Variants in EPHA6 observed in about 807,000 individuals in gnomAD.
EPHA6 encodes ephrin type-A receptor 6.
A neutral mutation model predicts 112.0 loss-of-function variants in EPHA6; 50 were observed. The observed-to-expected ratio is 0.45, with a 90% CI of 0.36 to 0.56. The LOEUF (loss-of-function observed/expected upper bound fraction) is 0.56, where lower values mean the gene tolerates loss of function less well. EPHA6 is among the 20% of genes least tolerant of loss of function. The probability of loss-of-function intolerance (pLI) is 0.00; values close to 1 mark genes in which losing one functional copy is unlikely to be tolerated. For synonymous variants in EPHA6, 529 were observed against 490.7 expected, an observed-to-expected ratio of 1.08 and a Z score of -1.03; for missense variants, 1,280 against 1,417.4, an observed-to-expected ratio of 0.90 and a Z score of 1.56.
At chr3:97,398,200 A>T (rs953832149) in intron 5 of EPHA6, among the ~76,000 whole-genome samples, 3 of 151,498 alleles carry the variant, frequency 2.0e-5, no homozygotes, top group Non-Finnish European at 4.4e-5. Flanking sequence ...TATGAAGCAA[A>T]ATGTAAAACA....
At chr3:97,358,448 G>A (rs936637260) in intron 5 of EPHA6, among the ~76,000 whole-genome samples, 2 of 151,860 alleles carry the variant, frequency 1.3e-5, no homozygotes, top group Non-Finnish European at 2.9e-5. Flanking sequence ...TAATTGTAAT[G>A]CATTAGTTTT....
Position 97,491,021 on chromosome 3 carries a change from A to C in EPHA6, c.2200+6962A>C, listed in dbSNP as rs575686135. On this transcript the variant is annotated intron_variant, in intron 10 of 17. Coordinates refer to ENST00000389672, the MANE Select transcript of EPHA6 (RefSeq NM_001080448.3). ...GATTCTTACCATGTGGGCATCTCCA[A>C]CGTGGCAGCTTGCTTCATCAAAGCC... is the stretch of plus-strand genomic sequence containing the variant. 5.1e-4 allele frequency among the ~76,000 whole-genome samples: 78 copies of C among 152,316 alleles called. No individual in the cohort carries two copies. In the Middle Eastern group the frequency reaches 0.014, roughly 27 times the overall value.
intron 5 of EPHA6, among the ~76,000 whole-genome samples, chr3:97,327,344 T>C (rs886968110): frequency 1.3e-5 from 2 of 152,078 alleles, no homozygotes; most frequent in Non-Finnish European, 2.9e-5. Context: ...AGATCCCTTG[T>C]GTACTTTGTC....
At chr3:97,121,047 A>G (rs932766470) in intron 3 of EPHA6, among the ~76,000 whole-genome samples, 9 of 152,062 alleles carry the variant, frequency 5.9e-5, no homozygotes, top group African/African-American at 2.2e-4. Flanking sequence ...ATTAAATAAA[A>G]TCCATATCCT....
At chr3:97,609,249 G>C (rs550762133) in intron 12 of EPHA6, among the ~76,000 whole-genome samples, 3 of 151,082 alleles carry the variant, frequency 2.0e-5, no homozygotes, top group African/African-American at 7.3e-5. Flanking sequence ...ATGGAATATT[G>C]GTCTCAGAAT....
At chr3:97,560,211 TA>T (rs1291856053) in intron 11 of EPHA6, among the ~76,000 whole-genome samples, 1 of 151,644 alleles carries the variant, frequency 6.6e-6, no homozygotes, top group Middle Eastern at 3.2e-3. Flanking sequence ...AGAAAAGTGA[TA>T]TATAAGCACA....
intron 2 of EPHA6, among the ~76,000 whole-genome samples, chr3:96,931,103 A>T (rs985224916): frequency 1.3e-5 from 2 of 149,010 alleles, no homozygotes; most frequent in African/African-American, 4.9e-5. Flanking sequence ...TGGGTTTTCC[A>T]GGGCCCACAG....
At chr3:97,406,709 C>T (rs1038013444) in intron 6 of EPHA6, among the ~76,000 whole-genome samples, 2 of 151,980 alleles carry the variant, frequency 1.3e-5, no homozygotes, top group African/African-American at 4.8e-5. Context: ...ATTATGTAGT[C>T]AATAAAAACT....
chr3:97,490,848 G>A (rs1321089342), intron 10 of EPHA6, among the ~76,000 whole-genome samples: 3 of 152,200 alleles, frequency 2.0e-5, no homozygotes, highest in East Asian at 3.9e-4. Flanking sequence ...CCTGGTGTCA[G>A]CTGGGACTGT....
intron 12 of EPHA6, among the ~76,000 whole-genome samples, chr3:97,596,415 A>G (rs2093591324): frequency 6.6e-6 from 1 of 152,108 alleles, no homozygotes; most frequent in South Asian, 2.1e-4. Flanking sequence ...TGGCAGTTTG[A>G]TGTTTGCCAT....
intron 6 of EPHA6, among the ~76,000 whole-genome samples, chr3:97,406,670 C>A (rs1364147599): frequency 1.3e-5 from 2 of 152,110 alleles, no homozygotes; most frequent in Admixed American, 1.3e-4. Context: ...ATAGCTGTAT[C>A]CATTTTTTGT....
At chr3:97,640,986 A>G (rs2093998619) in intron 14 of EPHA6, among the ~76,000 whole-genome samples, 1 of 152,196 alleles carries the variant, frequency 6.6e-6, no homozygotes, top group Non-Finnish European at 1.5e-5. Context: ...TATGTTCATT[A>G]TGATTCAATA....
intron 6 of EPHA6, among the ~76,000 whole-genome samples, chr3:97,417,559 A>AT (rs2107167325): frequency 6.6e-6 from 1 of 152,120 alleles, no homozygotes; most frequent in African/African-American, 2.4e-5. Flanking sequence ...CTTGATGGTA[A>AT]TTTTGTTTTT....
chr3:97,221,923 A>C (rs1208107838), intron 3 of EPHA6, among the ~76,000 whole-genome samples: 1 of 151,516 alleles, frequency 6.6e-6, no homozygotes, highest in African/African-American at 2.4e-5. Flanking sequence ...CCAGCTAGTC[A>C]GGAGGCTGAG....
chr3:97,044,342 C>G (rs1044457760), intron 3 of EPHA6, among the ~76,000 whole-genome samples: 1 of 152,136 alleles, frequency 6.6e-6, no homozygotes, highest in African/African-American at 2.4e-5. Flanking sequence ...ACTAATCAAC[C>G]TGTATATACC....
intron 3 of EPHA6, among the ~76,000 whole-genome samples, chr3:97,170,299 T>C (rs1269338063): frequency 6.6e-6 from 1 of 152,070 alleles, no homozygotes; most frequent in Non-Finnish European, 1.5e-5. Flanking sequence ...CAAAATTGAA[T>C]CAAGAAATCC....
chr3:97,083,278 T>G (rs1380250982), intron 3 of EPHA6, among the ~76,000 whole-genome samples: 1 of 152,032 alleles, frequency 6.6e-6, no homozygotes, highest in South Asian at 2.1e-4. Context: ...ATCATAAGTA[T>G]TTCACAAAAC....
At position 97,466,995 on chromosome 3, in the gene EPHA6, G is replaced by A. The variant is rs143640547; in HGVS notation, c.1895-8357G>A. On this transcript the variant is annotated intron_variant, in intron 7 of 17. Coordinates refer to ENST00000389672, the MANE Select transcript of EPHA6 (RefSeq NM_001080448.3). The stretch of plus-strand genomic sequence containing the variant: ...ATTACCTTCTTTATAATCTTCCTAC[G>A]ATTTTTTCGGTGGAGAATACCACCC... Among the ~76,000 whole-genome samples the A allele has an allele frequency of 6.2e-3, 947 of 151,794 alleles. 12 individuals are homozygous for A. The highest frequency in any genetic ancestry group is 0.021 in the African/African-American group (870 of 41,438).
chr3:97,598,855 T>C (rs1320311554), intron 12 of EPHA6, among the ~76,000 whole-genome samples: 2 of 151,598 alleles, frequency 1.3e-5, no homozygotes, highest in African/African-American at 4.8e-5. Flanking sequence ...ACTTCCACAA[T>C]GGTTGAACTA....
Sources: gnomAD v4.1 joint callset for allele counts (sites outside exome capture counted in the v4.1 genomes callset) on GRCh38, gnomAD v4.1.1 for gene constraint, MANE v1.5 for transcripts, NCBI Gene and HGNC (gene_info 2026-07-23, HGNC 2026-07-21) for gene names.